Variants in BRD7 observed in about 807,000 individuals in gnomAD.
BRD7 encodes the protein bromodomain-containing protein 7.
A neutral mutation model predicts 82.1 loss-of-function variants in BRD7; 15 were observed. That is an observed-to-expected ratio of 0.18 (90% CI 0.12 to 0.28). The LOEUF (loss-of-function observed/expected upper bound fraction) is 0.28. Ranked by LOEUF, BRD7 falls within the 10% of genes least tolerant of loss-of-function variation. BRD7 has a pLI of 1.00. For missense variants in BRD7, 638 were observed against 779.9 expected (o/e 0.82, Z 2.17); for synonymous variants, 232 against 266.9 (o/e 0.87, Z 1.27).
chr16:50,341,322 A>G (rs750833088), intron 5 of BRD7, among the ~76,000 whole-genome samples: 4 of 152,086 alleles, frequency 2.6e-5, no homozygotes, highest in Admixed American at 6.6e-5. Flanking sequence ...TTTGTTACAG[A>G]TATTTGGAAA....
chr16:50,368,657 A>G (rs1466073150), intron 1 of BRD7, 69 bp downstream of exon 1: 5 of 1,405,276 alleles, frequency 3.6e-6, no homozygotes, highest in Non-Finnish European at 4.8e-6. Flanking sequence ...CCCCGGAGCC[A>G]CTGGGAAAGA....
At position 50,317,196 on chromosome 16, in the gene BRD7, A is replaced by ATAAG. The variant is rs752928261; in HGVS notation, c.*2011_*2014dup. 5.2e-5 allele frequency: 8 copies of ATAAG among 152,442 alleles called. No individual in the cohort carries two copies. Among genetic ancestry groups the ATAAG allele is most frequent in the Non-Finnish European group, 2.9e-5 (2 of 68,050 alleles). 9.4% of individuals were successfully genotyped at this position (152,442 alleles called of 1,614,324 possible). On this transcript the variant is annotated 3_prime_UTR_variant, in exon 17 of 17. Coordinates refer to ENST00000394688, the MANE Select transcript of BRD7 (RefSeq NM_013263.5). Reference sequence around the variant, plus strand: ...TAGTGGCAGCTCTCATGTGCTGCACATAAGTGGAATCAGTATGAATAGAAG... The same window carrying ATAAG: ...TAGTGGCAGCTCTCATGTGCTGCACATAAGTAAGTGGAATCAGTATGAATAGAAG...
At chr16:50,347,355 A>G (rs1346415534) in intron 5 of BRD7, among the ~76,000 whole-genome samples, 5 of 152,246 alleles carry the variant, frequency 3.3e-5, no homozygotes, top group Admixed American at 6.5e-5. Flanking sequence ...GGCACAAGAC[A>G]GGGATGACCT....
intron 1 of BRD7, 147 bp from the exon 2 acceptor site, chr16:50,368,445 G>C: frequency 2.1e-6 from 2 of 936,280 alleles, no homozygotes; most frequent in Non-Finnish European, 3.1e-6. Flanking sequence ...GACGGACCCC[G>C]GCCCGGGGGT....
At chr16:50,361,643 C>T (rs1035099329) in intron 2 of BRD7, 1 of 152,208 alleles carries the variant, frequency 6.6e-6, no homozygotes, top group African/African-American at 2.4e-5. Context: ...GTTACTAACA[C>T]TCAGCTTTTA....
At chr16:50,357,970 ACT>A (rs534248953) in intron 2 of BRD7, among the ~76,000 whole-genome samples, 146 of 152,118 alleles carry the variant, frequency 9.6e-4, no homozygotes, top group African/African-American at 3.4e-3. Flanking sequence ...ACAGAACAAG[ACT>A]CTGTCTCAAA....
At chr16:50,368,482 T>C (rs1170209851) in intron 1 of BRD7, 184 bp from the exon 2 acceptor site, 15 of 766,130 alleles carry the variant, frequency 2.0e-5, no homozygotes, top group Non-Finnish European at 2.8e-5. Context: ...CCCCGAACGC[T>C]CCCAGGCCTC....
intron 2 of BRD7, among the ~76,000 whole-genome samples, chr16:50,363,680 T>C (rs9940400): frequency 0.41 from 35,056 of 85,894 alleles, 4,662 homozygotes; most frequent in Admixed American, 0.5. Context: ...CGCGTGCGCG[T>C]GTGCTTCCCC....
chr16:50,354,704 C>T lies in BRD7; in HGVS notation c.388+89G>A, dbSNP rs114647314. 4,387 of 1,489,022 alleles carry T rather than the reference C, an allele frequency of 2.9e-3. 100 individuals carry two copies. The African/African-American group carries it at 0.054, about 18-fold the overall frequency. The allele number at this position is 1,489,022 out of a possible 1,614,324, so 92.2% of individuals were successfully genotyped here. A position where few individuals can be genotyped will look rare whatever the true frequency, so the allele number is the denominator to read the frequency against. ...ACTTAAAAATTCAATCACAAAGCTC[C>T]AACTTAGAAGCTAAAACCCCACCAT... On this transcript the variant is annotated intron_variant, in intron 3 of 16. Coordinates refer to ENST00000394688, the MANE Select transcript of BRD7 (RefSeq NM_013263.5).
Position 50,366,545 on chromosome 16 carries a change from T to C in BRD7, c.258+1545A>G, listed in dbSNP as rs118090778. The stretch of plus-strand genomic sequence containing the variant: ...ATACTTGTCTACAATCACTTTAATA[T>C]TGATTTAACCAATAATTGTGATGTA... On this transcript the variant is annotated intron_variant, in intron 2 of 16. Coordinates refer to ENST00000394688, the MANE Select transcript of BRD7 (RefSeq NM_013263.5). Among the ~76,000 whole-genome samples, 28 of 152,364 alleles carry C rather than the reference T, an allele frequency of 1.8e-4. No homozygotes were observed. In the East Asian group the frequency reaches 5.4e-3, roughly 29 times the overall value.
chr16:50,325,679 A>T, intron 11 of BRD7, 69 bp downstream of exon 11: 1 of 1,426,840 alleles, frequency 7.0e-7, no homozygotes, highest in East Asian at 2.4e-5. Flanking sequence ...TTGTCAGTCT[A>T]TCCACAAATC....
chr16:50,352,697 C>CT (rs1437060848), intron 4 of BRD7, among the ~76,000 whole-genome samples: 38 of 128,542 alleles, frequency 3.0e-4, no homozygotes, highest in African/African-American at 9.2e-4. Flanking sequence ...TTCTTGCCAG[C>CT]TTTGTTTTTT....
chr16:50,368,188 C>A lies in BRD7; in HGVS notation c.160G>T (p.Asp54Tyr), dbSNP rs745332144. Residue 54 changes from aspartate (D) to tyrosine (Y), a missense_variant, in exon 2 of 17, where the codon GAT (aspartate) becomes TAT (tyrosine). This residue lies in a region of BRD7 where 172 missense variants were observed against 155.3 expected (regional missense o/e 1.11). Coordinates refer to ENST00000394688, the MANE Select transcript of BRD7 (RefSeq NM_013263.5). Reference protein sequence around the residue: ...HDSSLFEDKNDHDKHKDRKRK... With the variant: ...HDSSLFEDKNYHDKHKDRKRK... Reference sequence around the variant, plus strand: ...TTTCTGTCCTTGTGTTTGTCATGATCGTTTTTGTCTTCGAAGAGGCTGGAG... The same window carrying A: ...TTTCTGTCCTTGTGTTTGTCATGATAGTTTTTGTCTTCGAAGAGGCTGGAG... 1 of 1,614,154 alleles carries A rather than the reference C, an allele frequency of 6.2e-7. No individual in the cohort carries two copies. The highest frequency in any genetic ancestry group is 8.5e-7 in the Non-Finnish European group (1 of 1,180,016).
In BRD7 at chr16:50,319,914, C is replaced by G. The variant is rs768366315; in HGVS notation, c.1873G>C (p.Glu625Gln). Residue 625 changes from glutamate (E) to glutamine (Q), a missense_variant, in exon 16 of 17, where the codon GAA (glutamate) becomes CAA (glutamine). This residue lies in a region of BRD7 where 402 missense variants were observed against 500.8 expected (regional missense o/e 0.80). Coordinates refer to ENST00000394688, the MANE Select transcript of BRD7 (RefSeq NM_013263.5). ...TCTGTCAAATCCACAAAGTTGTTTT[C>G]CATGACGGGGGAAGGAATGGAAATC... is the stretch of plus-strand genomic sequence containing the variant. ...MGISIPSPVM[E>Q]NNFVDLTEDT... 1 of 1,612,208 alleles carries G rather than the reference C, an allele frequency of 6.2e-7. No homozygotes were observed. Among genetic ancestry groups the G allele is most frequent in the Admixed American group, 1.7e-5 (1 of 60,004 alleles).
chr16:50,362,312 C>A (rs1000295133), intron 2 of BRD7, among the ~76,000 whole-genome samples: 1 of 152,172 alleles, frequency 6.6e-6, no homozygotes, highest in South Asian at 2.1e-4. Flanking sequence ...AGATTAAAGA[C>A]CTCTTAAGGG....
intron 2 of BRD7, among the ~76,000 whole-genome samples, chr16:50,367,883 T>A (rs556957365): frequency 1.1e-4 from 17 of 152,296 alleles, no homozygotes; most frequent in African/African-American, 3.1e-4. Context: ...TCACCTGATG[T>A]GCGAGTACAA....
intron 8 of BRD7, among the ~76,000 whole-genome samples, chr16:50,329,751 G>A (rs2037481589): frequency 6.6e-6 from 1 of 152,206 alleles, no homozygotes; most frequent in African/African-American, 2.4e-5. Context: ...CAGGAGCCCA[G>A]CTAGCAGCAG....
chr16:50,366,260 G>C (rs947008819), intron 2 of BRD7, among the ~76,000 whole-genome samples: 1 of 152,168 alleles, frequency 6.6e-6, no homozygotes, highest in Non-Finnish European at 1.5e-5. Flanking sequence ...ACCAGAACAA[G>C]GGAATGAATC....
In BRD7 at chr16:50,316,432, C is replaced by T. The variant is rs1434674919; in HGVS notation, c.*2779G>A. On this transcript the variant is annotated 3_prime_UTR_variant, in exon 17 of 17. Coordinates refer to ENST00000394688, the MANE Select transcript of BRD7 (RefSeq NM_013263.5). ...CACACATCTTTGCGTTCTCCCCTGC[C>T]GTCCTTCAACTGTATCTTACTTTTC... 6.6e-6 allele frequency: 1 copy of T among 152,356 alleles called. No homozygotes were observed. Among genetic ancestry groups the T allele is most frequent in the East Asian group, 1.9e-4 (1 of 5,346 alleles). 9.4% of individuals were successfully genotyped at this position (152,356 alleles called of 1,614,324 possible).
Sources: allele counts gnomAD v4.1 joint callset (sites outside exome capture counted in the v4.1 genomes callset), GRCh38; gene constraint gnomAD v4.1.1; regional missense constraint gnomAD v4.1.1; transcripts MANE v1.5; gene names NCBI Gene and HGNC (gene_info 2026-07-23, HGNC 2026-07-21).